PPARG: variants seen among roughly 807,000 people sequenced by gnomAD.
PPARG encodes the protein peroxisome proliferator-activated receptor gamma.
A neutral mutation model predicts 39.2 loss-of-function variants in PPARG; 17 were observed. The observed-to-expected ratio is 0.43, with a 90% CI of 0.30 to 0.65. The LOEUF (loss-of-function observed/expected upper bound fraction) is 0.65. Ranked by LOEUF, PPARG falls within the 30% of genes least tolerant of loss-of-function variation. The pLI is 0.13. For synonymous variants in PPARG, 223 were observed against 215.7 expected, an observed-to-expected ratio of 1.03 and a Z score of -0.30; for missense variants, 406 against 585.9, an observed-to-expected ratio of 0.69 and a Z score of 3.17.
At chr3:12,300,894 C>T (rs1413010906) in intron 1 of PPARG, among the ~76,000 whole-genome samples, 1 of 152,156 alleles carries the variant, frequency 6.6e-6, no homozygotes, top group East Asian at 1.9e-4. Context: ...ACTGGGTGCA[C>T]TATATACACT....
intron 2 of PPARG, among the ~76,000 whole-genome samples, chr3:12,352,415 A>G (rs1458260356): frequency 1.3e-5 from 2 of 152,170 alleles, no homozygotes; most frequent in Admixed American, 6.5e-5. Flanking sequence ...CTCCTTTTCA[A>G]TATTTCTTTC....
At chr3:12,347,339 A>C (rs76983930) in intron 2 of PPARG, among the ~76,000 whole-genome samples, 3,539 of 152,152 alleles carry the variant, frequency 0.023, 145 homozygotes, top group African/African-American at 0.078. Context: ...TAATTTAAAA[A>C]ATTTTCCAAA....
rs529977341 is a variant in PPARG at position 12,294,044 on chromosome 3, G to A, written c.-83+4910G>A. Reference sequence around the variant, plus strand: ...AACCACTATCAGCAAAAATGTGAAAGGCTAGTTGCTTGTTTCCTTGCTACC... The same window carrying A: ...AACCACTATCAGCAAAAATGTGAAAAGCTAGTTGCTTGTTTCCTTGCTACC... On this transcript the variant is annotated intron_variant, in intron 1 of 7. Coordinates refer to ENST00000651735, the MANE Select transcript of PPARG (RefSeq NM_138711.6). Among the ~76,000 whole-genome samples, 9 of 152,304 alleles carry A rather than the reference G, an allele frequency of 5.9e-5. No individual in the cohort carries two copies. The East Asian group carries it at 1.7e-3, about 29-fold the overall frequency.
At chr3:12,384,056 C>A (rs555347970) in intron 4 of PPARG, among the ~76,000 whole-genome samples, 1 of 152,086 alleles carries the variant, frequency 6.6e-6, no homozygotes, top group South Asian at 2.1e-4. Context: ...ATGTGGATTC[C>A]AGAATTCCTA....
At chr3:12,287,795 C>G (rs1309926684), upstream of PPARG, 12 of 16,890 alleles carry the variant, frequency 7.1e-4, no homozygotes, top group African/African-American at 8.3e-3. Flanking sequence ...CGCCGCCGCC[C>G]CCGCCCCCGC....
intron 2 of PPARG, among the ~76,000 whole-genome samples, chr3:12,329,725 T>C (rs1442396237): frequency 6.6e-6 from 1 of 152,184 alleles, no homozygotes; most frequent in African/African-American, 2.4e-5. Context: ...TGTACAACTG[T>C]CATCCCTATC....
intron 2 of PPARG, among the ~76,000 whole-genome samples, chr3:12,324,140 G>A (rs116004661): frequency 0.021 from 3,149 of 152,140 alleles, 127 homozygotes; most frequent in African/African-American, 0.072. Flanking sequence ...TTAGCCACGT[G>A]TGTTGGCACT....
chr3:12,398,028 T>C (rs1369716088), intron 5 of PPARG, among the ~76,000 whole-genome samples: 1 of 152,186 alleles, frequency 6.6e-6, no homozygotes, highest in East Asian at 1.9e-4. Flanking sequence ...TTCCTGACAT[T>C]CAAGGCTGCA....
At chr3:12,315,687 T>C (rs1456818197) in intron 2 of PPARG, among the ~76,000 whole-genome samples, 2 of 152,154 alleles carry the variant, frequency 1.3e-5, no homozygotes, top group Non-Finnish European at 2.9e-5. Context: ...CACACTCCCA[T>C]CCCTACCTCT....
intron 1 of PPARG, among the ~76,000 whole-genome samples, chr3:12,306,424 A>T (rs2047064570): frequency 6.6e-6 from 1 of 152,178 alleles, no homozygotes; most frequent in South Asian, 2.1e-4. Context: ...TTAAAGTCAG[A>T]TGAAGAAACA....
intron 4 of PPARG, among the ~76,000 whole-genome samples, chr3:12,382,210 G>A (rs1471885121): frequency 1.3e-5 from 2 of 151,984 alleles, no homozygotes; most frequent in African/African-American, 2.4e-5. Context: ...CCACATACAC[G>A]GACAGGTAAG....
At chr3:12,431,737 T>C (rs1450201816) in intron 7 of PPARG, among the ~76,000 whole-genome samples, 1 of 152,088 alleles carries the variant, frequency 6.6e-6, no homozygotes, top group East Asian at 1.9e-4. Flanking sequence ...GCCAGGAGTT[T>C]AAGACCAGCC....
At chr3:12,293,807 G>A (rs2046710575) in intron 1 of PPARG, among the ~76,000 whole-genome samples, 1 of 152,194 alleles carries the variant, frequency 6.6e-6, no homozygotes, top group Admixed American at 6.5e-5. Flanking sequence ...ATCGAGGGCA[G>A]TGGAGAAATA....
intron 7 of PPARG, among the ~76,000 whole-genome samples, chr3:12,421,895 T>C (rs2051276350): frequency 6.6e-6 from 1 of 152,202 alleles, no homozygotes; most frequent in Non-Finnish European, 1.5e-5. Context: ...GGATGGCTAT[T>C]CTTGGCATGA....
chr3:12,318,290 C>A (rs1020834199), intron 2 of PPARG, among the ~76,000 whole-genome samples: 1 of 152,070 alleles, frequency 6.6e-6, no homozygotes. Flanking sequence ...AGATTATTTC[C>A]TGAGGCTATG....
intron 2 of PPARG, among the ~76,000 whole-genome samples, chr3:12,357,456 A>G (rs933444652): frequency 6.6e-6 from 1 of 152,110 alleles, no homozygotes; most frequent in Non-Finnish European, 1.5e-5. Context: ...TCTTGGCTCA[A>G]ATCTTACCTT....
chr3:12,294,855 T>C (rs1396273414), intron 1 of PPARG, among the ~76,000 whole-genome samples: 2 of 152,224 alleles, frequency 1.3e-5, no homozygotes, highest in East Asian at 3.8e-4. Context: ...ATCACGCTAT[T>C]GCACTCCAGC....
intron 2 of PPARG, among the ~76,000 whole-genome samples, chr3:12,335,873 T>C (rs1385429378): frequency 6.6e-6 from 1 of 152,032 alleles, no homozygotes; most frequent in Non-Finnish European, 1.5e-5. Context: ...ACTGACCTAG[T>C]TTCTAGTTGC....
intron 2 of PPARG, among the ~76,000 whole-genome samples, chr3:12,316,720 CT>C (rs1021427084): frequency 2.7e-5 from 4 of 148,932 alleles, no homozygotes; most frequent in Non-Finnish European, 3.0e-5. Context: ...CCTTAGGAAC[CT>C]TTTTTTTTTT....
Sources: gnomAD v4.1 joint callset for allele counts (sites outside exome capture counted in the v4.1 genomes callset) on GRCh38, gnomAD v4.1.1 for gene constraint, MANE v1.5 for transcripts, NCBI Gene and HGNC (gene_info 2026-07-23, HGNC 2026-07-21) for gene names.